The following PCDH7 variants were observed in gnomAD, a reference collection of about 807,000 sequenced individuals.
PCDH7 encodes the protein protocadherin-7.
In PCDH7, 17 loss-of-function variants were observed where a neutral mutation model predicts 58.9. That is an observed-to-expected ratio of 0.29 (90% confidence interval 0.20 to 0.43). The LOEUF (loss-of-function observed/expected upper bound fraction) is 0.43. Ranked by LOEUF, PCDH7 falls within the 20% of genes least tolerant of loss-of-function variation. PCDH7 has a pLI of 1.00. For synonymous variants in PCDH7, 664 were observed against 616.4 expected (o/e 1.08, Z -1.14); for missense variants, 1,274 against 1,441.0 (o/e 0.88, Z 1.88).
chr4:30,826,849 C>G (rs189366774), intron 1 of PCDH7, among the ~76,000 whole-genome samples: 2 of 152,068 alleles, frequency 1.3e-5, no homozygotes, highest in African/African-American at 4.8e-5. Context: ...CCTCAGCCCC[C>G]CAAATAGTTG....
chr4:30,770,262 A>G (rs1721229608), intron 1 of PCDH7, among the ~76,000 whole-genome samples: 1 of 152,196 alleles, frequency 6.6e-6, no homozygotes, highest in Admixed American at 6.5e-5. Flanking sequence ...CTAACGTACC[A>G]AGTTCCAGTT....
intron 1 of PCDH7, among the ~76,000 whole-genome samples, chr4:30,807,201 C>G (rs1439161005): frequency 6.6e-6 from 1 of 152,096 alleles, no homozygotes; most frequent in Admixed American, 6.6e-5. Context: ...GTGCTTAAGC[C>G]TGGAAATTCT....
At chr4:30,765,014 C>T (rs946375688) in intron 1 of PCDH7, among the ~76,000 whole-genome samples, 2 of 151,170 alleles carry the variant, frequency 1.3e-5, no homozygotes, top group Non-Finnish European at 2.9e-5. Context: ...CCACCGCGCC[C>T]TGCCTGGTCT....
chr4:31,105,970 G>A (rs1715510958), intron 3 of PCDH7, among the ~76,000 whole-genome samples: 1 of 150,774 alleles, frequency 6.6e-6, no homozygotes, highest in Admixed American at 6.6e-5. Context: ...TCGCGCCACT[G>A]CACTCCAGCC....
intron 3 of PCDH7, among the ~76,000 whole-genome samples, chr4:31,004,923 G>A (rs1281039044): frequency 6.6e-6 from 1 of 152,038 alleles, no homozygotes; most frequent in East Asian, 1.9e-4. Flanking sequence ...CACACAGGAT[G>A]ATTTAGTATA....
At chr4:31,032,105 A>G (rs530035748) in intron 3 of PCDH7, among the ~76,000 whole-genome samples, 1 of 152,304 alleles carries the variant, frequency 6.6e-6, no homozygotes, top group South Asian at 2.1e-4. Flanking sequence ...AATTATCTGC[A>G]TGTGTCAGGC....
intron 1 of PCDH7, among the ~76,000 whole-genome samples, chr4:30,770,507 G>A (rs903116161): frequency 6.6e-6 from 1 of 152,192 alleles, no homozygotes; most frequent in African/African-American, 2.4e-5. Context: ...TGAAACTCAG[G>A]TGGGAATTGA....
Position 30,883,751 on chromosome 4 carries a change from T to A in PCDH7, c.71-36402T>A, listed in dbSNP as rs982513853. The stretch of plus-strand genomic sequence containing the variant: ...TTGTAACCTATAATATGTTGAACAC[T>A]GATGTAATGGAAAAGTAAGAGCTAT... On this transcript the variant is annotated intron_variant, in intron 1 of 3. Transcript: ENST00000509759. Among the ~76,000 whole-genome samples the A allele has an allele frequency of 2.7e-4, 41 of 152,314 alleles. No homozygotes were observed. In the East Asian group the frequency reaches 6.9e-3, roughly 26 times the overall value.
chr4:30,976,250 C>A, intron 3 of PCDH7, among the ~76,000 whole-genome samples: 1 of 152,024 alleles, frequency 6.6e-6, no homozygotes, highest in East Asian at 1.9e-4. Context: ...ACCCACCACA[C>A]CTGGCTAATT....
intron 3 of PCDH7, among the ~76,000 whole-genome samples, chr4:31,100,664 G>A (rs2109299852): frequency 6.6e-6 from 1 of 152,262 alleles, no homozygotes; most frequent in South Asian, 2.1e-4. Context: ...TTATGGATTG[G>A]CAACAACACT....
downstream of PCDH7, chr4:31,146,683 C>T (rs1720700800): frequency 6.6e-6 from 1 of 152,114 alleles, no homozygotes; most frequent in South Asian, 2.1e-4. Context: ...ATTAAACACT[C>T]GTCCAACTAT....
intron 1 of PCDH7, among the ~76,000 whole-genome samples, chr4:30,805,378 C>T (rs1726055014): frequency 6.6e-6 from 1 of 152,090 alleles, no homozygotes; most frequent in African/African-American, 2.4e-5. Flanking sequence ...TTCTTAATGT[C>T]TGTACTTTAG....
chr4:30,966,634 T>A (rs1454874113), intron 3 of PCDH7, among the ~76,000 whole-genome samples: 1 of 152,064 alleles, frequency 6.6e-6, no homozygotes, highest in African/African-American at 2.4e-5. Context: ...GTGTTTAGTT[T>A]CAAGAAAAAC....
chr4:30,732,822 A>G (rs977788818), exon 2 of PCDH7: 1 of 152,182 alleles, frequency 6.6e-6, no homozygotes, highest in Non-Finnish European at 1.5e-5. Flanking sequence ...AAAAATGCTG[A>G]CACTCTCAAG....
intron 1 of PCDH7, chr4:30,783,251 A>G (rs768616503): frequency 1.4e-4 from 22 of 152,296 alleles, no homozygotes; most frequent in Admixed American, 7.2e-4. Context: ...TTCTTAACCA[A>G]TGGTTCAACT....
intron 1 of PCDH7, among the ~76,000 whole-genome samples, chr4:30,840,029 A>AGTGTGTGT (rs10687813): frequency 3.4e-5 from 5 of 148,632 alleles, no homozygotes; most frequent in South Asian, 2.1e-4. Context: ...AATGATGATG[A>AGTGTGTGT]GTGTGTGTGT....
chr4:31,028,679 A>G (rs568105457), intron 3 of PCDH7, among the ~76,000 whole-genome samples: 2 of 151,988 alleles, frequency 1.3e-5, no homozygotes, highest in African/African-American at 4.8e-5. Context: ...AAAATACCCA[A>G]ACTTTAGGAT....
At chr4:31,060,044 G>A (rs1369580953) in intron 3 of PCDH7, among the ~76,000 whole-genome samples, 2 of 151,676 alleles carry the variant, frequency 1.3e-5, no homozygotes, top group Admixed American at 6.6e-5. Flanking sequence ...CCAGACCAAA[G>A]AAATGTAGAG....
chr4:30,759,317 C>T (rs1265563188), intron 1 of PCDH7, among the ~76,000 whole-genome samples: 1 of 152,124 alleles, frequency 6.6e-6, no homozygotes, highest in Non-Finnish European at 1.5e-5. Context: ...AGAAATCATT[C>T]TGTTCATCCT....
Sources: allele counts gnomAD v4.1 joint callset (sites outside exome capture counted in the v4.1 genomes callset), GRCh38; gene constraint gnomAD v4.1.1; transcripts MANE v1.5; gene names NCBI Gene and HGNC (gene_info 2026-07-23, HGNC 2026-07-21).